The following CUL9 variants were observed in gnomAD, a reference collection of about 807,000 sequenced individuals.
CUL9 encodes the protein cullin 9.
In CUL9, 79 loss-of-function variants were observed where a neutral mutation model predicts 272.6. That is an observed-to-expected ratio of 0.29 (90% CI 0.24 to 0.35). The LOEUF (loss-of-function observed/expected upper bound fraction) is 0.35, where lower values mean the gene tolerates loss of function less well. Among genes scored for constraint, CUL9 ranks in the 10% least tolerant of loss-of-function variants. CUL9 has a pLI of 1.00. For missense variants in CUL9, 2,532 were observed against 3,255.6 expected, an observed-to-expected ratio of 0.78 and a Z score of 5.41; for synonymous variants, 1,186 against 1,286.5, an observed-to-expected ratio of 0.92 and a Z score of 1.67.
rs1774717820 is a variant in CUL9 at position 43,202,837 on chromosome 6, C to T, written c.3753+16C>T. 6.2e-7 allele frequency: 1 copy of T among 1,606,214 alleles called. No homozygotes were observed. The highest frequency in any genetic ancestry group is 1.7e-5 in the Admixed American group (1 of 59,996). On this transcript the variant is annotated intron_variant, in intron 17 of 40. Transcript: ENST00000252050. ...GCTCAACACGGTGGGGACCCTTGTGCCCACCTTCACCTTGCTCCACATCCT... is the reference window on the plus strand; with the variant it reads ...GCTCAACACGGTGGGGACCCTTGTGTCCACCTTCACCTTGCTCCACATCCT...
Position 43,224,233 on chromosome 6 carries a change from G to A in CUL9, c.7359-17G>A, listed in dbSNP as rs1272864020. Reference sequence around the variant, plus strand: ...CATGGCAGCCTCCTCTGGGCTGAGTGTGGTGGCTCTCCCTAGGCCCCAGGC... The same window carrying A: ...CATGGCAGCCTCCTCTGGGCTGAGTATGGTGGCTCTCCCTAGGCCCCAGGC... On this transcript the variant is annotated splice_polypyrimidine_tract_variant and intron_variant, in intron 40 of 40. Coordinates refer to ENST00000252050, the MANE Select transcript of CUL9 (RefSeq NM_015089.4). This position sits in a 1 kb window ranked among gnomAD's most constrained non-coding sequence, Gnocchi z 4.2. 19 of 1,614,196 alleles carry A rather than the reference G, an allele frequency of 1.2e-5. No individual in the cohort carries two copies. Among genetic ancestry groups the A allele is most frequent in the Non-Finnish European group, 1.4e-5 (16 of 1,180,024 alleles).
intron 11 of CUL9, among the ~76,000 whole-genome samples, chr6:43,197,460 C>G (rs976639177): frequency 1.1e-4 from 17 of 151,996 alleles, no homozygotes; most frequent in East Asian, 3.9e-4. Context: ...TCTAGGGAAG[C>G]CTTTCTCTTT....
intron 6 of CUL9, 137 bp downstream of exon 6, chr6:43,187,576 G>T: frequency 2.3e-6 from 3 of 1,321,836 alleles, no homozygotes; most frequent in Non-Finnish European, 3.2e-6. Context: ...TCCTGCTGGG[G>T]GTTGGAGGCA....
In CUL9 at chr6:43,215,428, C is replaced by T. The variant is rs151313136; in HGVS notation, c.5936+102C>T. ...CACTTCCCTTCTTTCTTTGTCTGAT[C>T]CCCTTTTCCCTATCCCTGTTATTTC... On this transcript the variant is annotated intron_variant, in intron 30 of 40. Transcript: ENST00000252050. 1.1e-4 allele frequency: 160 copies of T among 1,446,456 alleles called. No homozygotes were observed. In the African/African-American group the frequency reaches 2.0e-3, roughly 18 times the overall value. The allele number at this position is 1,446,456 out of a possible 1,614,324, so 89.6% of individuals were successfully genotyped here.
At chr6:43,183,901 T>C (rs1167970254) in intron 1 of CUL9, among the ~76,000 whole-genome samples, 3 of 152,100 alleles carry the variant, frequency 2.0e-5, no homozygotes, top group Non-Finnish European at 4.4e-5. Context: ...TACGGGCATG[T>C]GCCACCACAC....
intron 31 of CUL9, among the ~76,000 whole-genome samples, chr6:43,219,918 GA>G (rs1776209057): frequency 6.6e-6 from 1 of 152,174 alleles, no homozygotes; most frequent in Non-Finnish European, 1.5e-5. Flanking sequence ...TGACGAGGGG[GA>G]CAGTGGTGCA....
rs765095560 is a variant in CUL9, at chr6:43,186,258, A to G, written c.1054A>G (p.Ile352Val). 6 of 1,613,960 alleles carry G rather than the reference A, an allele frequency of 3.7e-6. No individual in the cohort carries two copies. In the Admixed American group the frequency reaches 6.7e-5, roughly 18 times the overall value. ...AGGCCCCAGCCTTTTACTCCCCACC[A>G]TTGTCACCACCCCCAGAAGACAAGG... is the stretch of plus-strand genomic sequence containing the variant. ...ISGPSLLLPT[I>V]VTTPRRQGWV... The change falls in exon 4 of 41, where the codon ATT (isoleucine) becomes GTT (valine). Residue 352 changes from isoleucine (I) to valine (V), a missense_variant. Coordinates refer to ENST00000252050, the MANE Select transcript of CUL9 (RefSeq NM_015089.4).
intron 35 of CUL9, chr6:43,222,008 A>G: frequency 3.4e-6 from 2 of 593,584 alleles, no homozygotes; most frequent in Non-Finnish European, 6.0e-6. Flanking sequence ...TGGCTACAGA[A>G]AGGCTGGGGA....
In CUL9 at chr6:43,221,051, CTGG is replaced by C. The variant is rs1404490208; in HGVS notation, c.6589-106_6589-104del. 27 of 1,482,140 alleles carry C rather than the reference CTGG, an allele frequency of 1.8e-5. No individual in the cohort carries two copies. In the African/African-American group the frequency reaches 3.6e-4, roughly 20 times the overall value. The allele number at this position is 1,482,140 out of a possible 1,614,324, so 91.8% of individuals were successfully genotyped here. A position where few individuals can be genotyped will look rare whatever the true frequency, so the allele number is the denominator to read the frequency against. ...ACCCAGTTGAGCTCTGTTCCTCTTC[CTGG>C]AGCCCTCCAAATGTGATCTGTGCCT... On this transcript the variant is annotated intron_variant, in intron 33 of 40. Coordinates refer to ENST00000252050, the MANE Select transcript of CUL9 (RefSeq NM_015089.4). The surrounding 1 kb of genome is among the most constrained non-coding windows in gnomAD (Gnocchi z 4.2).
chr6:43,183,005 T>TCTA (rs1582268725), intron 1 of CUL9, among the ~76,000 whole-genome samples: 1 of 152,212 alleles, frequency 6.6e-6, no homozygotes, highest in East Asian at 1.9e-4. Flanking sequence ...CTGTTCCAAG[T>TCTA]GCTTTACATA....
chr6:43,215,388 T>A, intron 30 of CUL9, 62 bp downstream of exon 30: 2 of 1,523,406 alleles, frequency 1.3e-6, no homozygotes, highest in South Asian at 2.5e-5. Context: ...AAAGCCAAGA[T>A]CCCTTGTGGA....
Position 43,203,356 on chromosome 6 carries a change from C to T in CUL9, c.3850-61C>T. ...AGGGAGCTCAGGGCAGGAGGCTTGGCTTTGGTAGTACTTAGTGGCTCAAGC... is the reference window on the plus strand; with the variant it reads ...AGGGAGCTCAGGGCAGGAGGCTTGGTTTTGGTAGTACTTAGTGGCTCAAGC... On this transcript the variant is annotated intron_variant, in intron 18 of 40. Coordinates refer to ENST00000252050, the MANE Select transcript of CUL9 (RefSeq NM_015089.4). The surrounding 1 kb of genome is among the most constrained non-coding windows in gnomAD (Gnocchi z 5.0). 6.2e-6 allele frequency: 10 copies of T among 1,606,062 alleles called. No homozygotes were observed. The South Asian group carries it at 7.8e-5, about 12-fold the overall frequency.
At position 43,213,721 on chromosome 6, in the gene CUL9, C is replaced by T. The variant is rs903798232; in HGVS notation, c.5497C>T (p.Arg1833Trp). The T allele has an allele frequency of 1.4e-5, 23 of 1,612,872 alleles. No homozygotes were observed. The highest frequency in any genetic ancestry group is 1.8e-5 in the Non-Finnish European group (21 of 1,179,706). ...GQDFPHGGVL[R>W]LHEPGPQRSG... is the part of the protein sequence containing the mutation. ...CCGGGAGCGGGTTCCAGGTGTGCTGCGGCTTCATGAGCCTGGGCCCCAGCG... is the reference window on the plus strand; with the variant it reads ...CCGGGAGCGGGTTCCAGGTGTGCTGTGGCTTCATGAGCCTGGGCCCCAGCG... The change falls in exon 29 of 41, where the codon CGG (arginine) becomes TGG (tryptophan). Residue 1833 changes from arginine to tryptophan, a missense_variant. This residue lies in a region of CUL9 where 2,218 missense variants were observed against 2,788.6 expected (regional missense o/e 0.80). Coordinates refer to ENST00000252050, the MANE Select transcript of CUL9 (RefSeq NM_015089.4). The surrounding 1 kb of genome is among the most constrained non-coding windows in gnomAD (Gnocchi z 5.7).
intron 31 of CUL9, among the ~76,000 whole-genome samples, chr6:43,217,934 A>G (rs952967415): frequency 1.3e-5 from 2 of 152,290 alleles, no homozygotes; most frequent in South Asian, 4.1e-4. Flanking sequence ...TAATTCTCAT[A>G]CTAGTTCTAT....
intron 11 of CUL9, 24 bp downstream of exon 11, chr6:43,196,886 T>G: frequency 6.3e-7 from 1 of 1,595,478 alleles, no homozygotes; most frequent in Non-Finnish European, 8.6e-7. Flanking sequence ...GGGGTGGTTT[T>G]GCAGAGGAAT....
chr6:43,216,532 C>T, intron 31 of CUL9, 29 bp downstream of exon 31: 2 of 1,548,426 alleles, frequency 1.3e-6, no homozygotes, highest in African/African-American at 1.4e-5. Context: ...TGCTCCTGCC[C>T]CTGGCTTTCT....
At chr6:43,198,545 C>G in intron 11 of CUL9, 64 bp from the exon 12 acceptor site, 7 of 1,583,270 alleles carry the variant, frequency 4.4e-6, no homozygotes, top group Non-Finnish European at 6.0e-6. Context: ...CTTCCCAGTT[C>G]TCAGTTTGAC....
At chr6:43,196,362 A>G in intron 10 of CUL9, 97 bp downstream of exon 10, 1 of 1,216,312 alleles carries the variant, frequency 8.2e-7, no homozygotes, top group Non-Finnish European at 1.1e-6. Flanking sequence ...AATTCCCCTC[A>G]CGCTGTCACC....
intron 6 of CUL9, 91 bp downstream of exon 6, chr6:43,187,530 G>C (rs1043329627): frequency 2.2e-5 from 31 of 1,417,506 alleles, no homozygotes; most frequent in Middle Eastern, 3.8e-4. Flanking sequence ...TACCGCTTAG[G>C]GGGAGGCTGG....
Sources: gnomAD v4.1 joint callset for allele counts (sites outside exome capture counted in the v4.1 genomes callset) on GRCh38, gnomAD v4.1.1 for gene constraint, gnomAD v4.1.1 regional missense constraint, Gnocchi (gnomAD v3.1) non-coding constraint, MANE v1.5 for transcripts, NCBI Gene and HGNC (gene_info 2026-07-23, HGNC 2026-07-21) for gene names.